Variants in GPC3 observed in about 807,000 individuals in gnomAD.
The protein encoded by GPC3 is glypican-3.
Under a neutral mutation model 34.4 loss-of-function variants are expected in GPC3, and 3 were observed. The ratio of observed to expected loss-of-function variants is 0.09; its 90% CI spans 0.04 to 0.23. The LOEUF is 0.23. GPC3 is among the 10% of genes least tolerant of loss of function. The pLI is 1.00. For missense variants in GPC3, 351 were observed against 445.6 expected, an observed-to-expected ratio of 0.79 and a Z score of 1.91; for synonymous variants, 177 against 174.0, an observed-to-expected ratio of 1.02 and a Z score of -0.13.
chrX:133,645,006 T>C (rs966578810), intron 6 of GPC3, among the ~76,000 whole-genome samples: 2 of 111,768 alleles, frequency 1.8e-5, no homozygotes, highest in African/African-American at 6.5e-5. Flanking sequence ...GTCTCGAACT[T>C]CTGACCTCAA....
chrX:133,839,702 G>A (rs964360698), intron 2 of GPC3, among the ~76,000 whole-genome samples: 16 of 109,702 alleles, frequency 1.5e-4, no homozygotes, highest in Non-Finnish European at 1.1e-4. Context: ...AGGCTGAGGC[G>A]GGCAGATCAC....
At chrX:133,758,534 C>T (rs1386163482) in intron 2 of GPC3, among the ~76,000 whole-genome samples, 1 of 110,678 alleles carries the variant, frequency 9.0e-6, no homozygotes, top group Non-Finnish European at 1.9e-5. Context: ...AAACAACACA[C>T]ACTGGGGCTT....
chrX:133,841,997 A>G (rs2075826522), intron 2 of GPC3, among the ~76,000 whole-genome samples: 1 of 112,102 alleles, frequency 8.9e-6, no homozygotes, highest in Non-Finnish European at 1.9e-5. Flanking sequence ...CTATTGTGGG[A>G]CCTTGTGACC....
chrX:133,544,343 T>G lies in GPC3; in HGVS notation c.1574-8050A>C, dbSNP rs112033297. Among the ~76,000 whole-genome samples, 484 of 112,045 alleles carry G rather than the reference T, an allele frequency of 4.3e-3. 2 individuals carry two copies. The highest frequency in any genetic ancestry group is 0.023 in the Middle Eastern group (5 of 218). On this transcript the variant is annotated intron_variant, in intron 7 of 7. Transcript: ENST00000370818. ...CACAAATTCCTGATGAGTGACTTAA[T>G]GTAGTCTTTTCTATGGCAACTTCCT...
intron 3 of GPC3, among the ~76,000 whole-genome samples, chrX:133,709,811 C>T (rs1474025258): frequency 8.9e-6 from 1 of 112,280 alleles, no homozygotes; most frequent in East Asian, 2.8e-4. Context: ...GTAATCATTA[C>T]ATACATTTTC....
At chrX:133,910,258 TA>T (rs755370667) in intron 2 of GPC3, among the ~76,000 whole-genome samples, 4 of 110,938 alleles carry the variant, frequency 3.6e-5, no homozygotes, top group South Asian at 3.9e-4. Context: ...AATAAAAAAT[TA>T]AAAAAAAGTA....
At chrX:133,873,515 A>G (rs1037400910) in intron 2 of GPC3, among the ~76,000 whole-genome samples, 1 of 111,661 alleles carries the variant, frequency 9.0e-6, no homozygotes, top group Non-Finnish European at 1.9e-5. Flanking sequence ...GGGTTACAAC[A>G]TACTATTCTA....
intron 5 of GPC3, 110 bp from the exon 6 acceptor site, chrX:133,661,960 C>A: frequency 2.2e-6 from 2 of 890,477 alleles, no homozygotes; most frequent in Non-Finnish European, 3.3e-6. Context: ...CATGAGACGA[C>A]CTCATGGTGC....
chrX:133,596,216 A>G, intron 7 of GPC3: 1 of 424,811 alleles, frequency 2.4e-6, no homozygotes, highest in Non-Finnish European at 4.1e-6. Flanking sequence ...GAAAAACAGG[A>G]AGTTACCCTT....
intron 2 of GPC3, among the ~76,000 whole-genome samples, chrX:133,760,174 C>T (rs1382571377): frequency 8.9e-6 from 1 of 112,192 alleles, no homozygotes; most frequent in Non-Finnish European, 1.9e-5. Context: ...CACTCTCATG[C>T]ATTGCTGGAG....
At chrX:133,637,550 C>G (rs749316109) in intron 6 of GPC3, among the ~76,000 whole-genome samples, 1 of 112,131 alleles carries the variant, frequency 8.9e-6, no homozygotes, top group Non-Finnish European at 1.9e-5. Flanking sequence ...CCTATAAAGT[C>G]ATTCATGGGG....
chrX:133,676,072 G>A (rs1486598509), intron 5 of GPC3, among the ~76,000 whole-genome samples: 1 of 112,230 alleles, frequency 8.9e-6, no homozygotes, highest in Non-Finnish European at 1.9e-5. Flanking sequence ...ATTGCTTCAT[G>A]AGCCATCTAT....
intron 7 of GPC3, among the ~76,000 whole-genome samples, chrX:133,538,719 A>T (rs1330763026): frequency 9.8e-6 from 1 of 101,688 alleles, no homozygotes; most frequent in African/African-American, 3.6e-5. Context: ...CCCAGGCTGC[A>T]GTATAGTGGT....
Position 133,754,105 on chromosome X carries a change from G to C in GPC3, c.409C>G (p.Leu137Val). ...NAMFKNNYPS[L>V]TPQAFEFVGE... Reference sequence around the variant, plus strand: ...ACAAACTCAAAAGCTTGTGGAGTCAGGCTTGGGTAGTTGTTCTTGAACATG... The same window carrying C: ...ACAAACTCAAAAGCTTGTGGAGTCACGCTTGGGTAGTTGTTCTTGAACATG... Residue 137 changes from leucine to valine, a missense_variant, in exon 3 of 8, where the codon CTG becomes GTG. By Grantham distance (32) the Leu-to-Val change is conservative. Transcript: ENST00000370818. 1.7e-6 allele frequency: 2 copies of C among 1,209,555 alleles called. No individual in the cohort carries two copies. The highest frequency in any genetic ancestry group is 2.2e-6 in the Non-Finnish European group (2 of 894,118).
intron 6 of GPC3, among the ~76,000 whole-genome samples, chrX:133,636,500 C>G (rs2070427083): frequency 8.9e-6 from 1 of 111,985 alleles, no homozygotes; most frequent in South Asian, 3.7e-4. Context: ...AACCCTGTCT[C>G]TACTAAAAAT....
At chrX:133,831,885 T>C (rs754617815) in intron 2 of GPC3, among the ~76,000 whole-genome samples, 1 of 112,811 alleles carries the variant, frequency 8.9e-6, no homozygotes, top group African/African-American at 3.2e-5. Context: ...TTAAAACATC[T>C]ATTAACTCAT....
At chrX:133,588,750 A>G (rs992180519) in intron 7 of GPC3, among the ~76,000 whole-genome samples, 3 of 111,828 alleles carry the variant, frequency 2.7e-5, no homozygotes, top group Non-Finnish European at 3.8e-5. Context: ...AATAAAGATC[A>G]TTGGCTTATG....
At chrX:133,586,612 A>G (rs1055007964) in intron 7 of GPC3, among the ~76,000 whole-genome samples, 7 of 111,402 alleles carry the variant, frequency 6.3e-5, no homozygotes, top group African/African-American at 2.3e-4. Context: ...ACAAAACATA[A>G]CTAGCTGTGA....
At chrX:133,641,422 G>A (rs1195965214) in intron 6 of GPC3, among the ~76,000 whole-genome samples, 1 of 110,096 alleles carries the variant, frequency 9.1e-6, no homozygotes, top group Admixed American at 9.7e-5. Flanking sequence ...TTTGCAGTGA[G>A]CCGAGATGGT....
Sources: gnomAD v4.1 joint callset for allele counts (sites outside exome capture counted in the v4.1 genomes callset) on GRCh38, gnomAD v4.1.1 for gene constraint, MANE v1.5 for transcripts, NCBI Gene and HGNC (gene_info 2026-07-23, HGNC 2026-07-21) for gene names.